Variants in FAM204A observed in about 807,000 individuals in gnomAD.
The protein encoded by FAM204A is family with sequence similarity 204 member A.
Under a neutral mutation model 35.4 loss-of-function variants are expected in FAM204A, and 16 were observed. The observed-to-expected ratio is 0.45, with a 90% CI of 0.31 to 0.69. The LOEUF is 0.69. FAM204A is among the 30% of genes least tolerant of loss of function. The probability of loss-of-function intolerance (pLI) is 0.07; values close to 1 mark genes in which losing one functional copy is unlikely to be tolerated. For synonymous variants in FAM204A, 76 were observed against 86.9 expected, an observed-to-expected ratio of 0.88 and a Z score of 0.70; for missense variants, 240 against 265.7, an observed-to-expected ratio of 0.90 and a Z score of 0.67.
At chr10:118,332,318 A>C (rs1281399826) in intron 6 of FAM204A, among the ~76,000 whole-genome samples, 1 of 151,980 alleles carries the variant, frequency 6.6e-6, no homozygotes, top group Non-Finnish European at 1.5e-5. Context: ...GCTGAGCTTC[A>C]GTTTCTTTAT....
Position 118,303,995 on chromosome 10 carries a change from G to T in FAM204A, c.*6862C>A, listed in dbSNP as rs1008137180. On this transcript the variant is annotated 3_prime_UTR_variant, in exon 9 of 9. Transcript: ENST00000369183. ...TACAAATCACCTCCACAAGAGATCT[G>T]AGGCACTGTTTCTAGGAAATCCAAC... 6.6e-6 allele frequency: 1 copy of T among 152,076 alleles called. No homozygotes were observed. Among genetic ancestry groups the T allele is most frequent in the African/African-American group, 2.4e-5 (1 of 41,392 alleles). The allele number at this position is 152,076 out of a possible 1,614,324, so 9.4% of individuals were successfully genotyped here. A position where few individuals can be genotyped will look rare whatever the true frequency, so the allele number is the denominator to read the frequency against.
intron 7 of FAM204A, among the ~76,000 whole-genome samples, chr10:118,321,224 C>T (rs1846111245): frequency 6.6e-6 from 1 of 151,990 alleles, no homozygotes; most frequent in Non-Finnish European, 1.5e-5. Context: ...AGGGCTTCTG[C>T]CCCCAAACTC....
intron 6 of FAM204A, among the ~76,000 whole-genome samples, chr10:118,332,398 T>C (rs763155469): frequency 4.0e-5 from 6 of 151,506 alleles, no homozygotes; most frequent in Non-Finnish European, 5.9e-5. Context: ...CAAGAGGCAA[T>C]GGTTTACAAC....
rs1050096567 is a variant in FAM204A, at chr10:118,310,862, T to C, written c.697A>G (p.Met233Val). ...TCTTGAAGCACTCTGGCAAGTTACA[T>C]GTATCCCATGTTGCTTTTGGTTTCC... The part of the protein sequence containing the change: ...RWETKSNMGY[M>V] The change falls in exon 9 of 9, where the codon ATG (methionine) becomes GTG (valine). Residue 233 changes from methionine to valine, a missense_variant. By Grantham distance (21) the Met-to-Val change is conservative. Transcript: ENST00000369183. 1 of 1,602,624 alleles carries C rather than the reference T, an allele frequency of 6.2e-7. No homozygotes were observed. Among genetic ancestry groups the C allele is most frequent in the Non-Finnish European group, 8.5e-7 (1 of 1,177,116 alleles).
At position 118,299,285 on chromosome 10, in the gene FAM204A, C is replaced by T. The variant is rs1330081016; in HGVS notation, c.*11572G>A. The T allele has an allele frequency of 6.6e-6, 1 of 151,762 alleles. No individual in the cohort carries two copies. Among genetic ancestry groups the T allele is most frequent in the East Asian group, 1.9e-4 (1 of 5,184 alleles). 9.4% of individuals were successfully genotyped at this position (151,762 alleles called of 1,614,324 possible). On this transcript the variant is annotated 3_prime_UTR_variant, in exon 9 of 9. Transcript: ENST00000369183. ...CCATTTCCTGCTTTGAGCTGCCCTT[C>T]CTGTCAATCAATTACCAACCCTGCT...
intron 2 of FAM204A, among the ~76,000 whole-genome samples, chr10:118,340,543 G>A (rs1846460961): frequency 1.3e-5 from 2 of 152,122 alleles, no homozygotes; most frequent in Non-Finnish European, 2.9e-5. Context: ...ATTCTCTCTA[G>A]CACTGCAATC....
At position 118,341,493 on chromosome 10, in the gene FAM204A, T is replaced by C. The variant is rs527974119; in HGVS notation, c.-9+234A>G. On this transcript the variant is annotated intron_variant, in intron 2 of 8. Transcript: ENST00000369183. ...TTTTATGAAATGAATGTGTTCCTTTTCTCAAAAAAGGTACAGAAAGGACAA... is the reference window on the plus strand; with the variant it reads ...TTTTATGAAATGAATGTGTTCCTTTCCTCAAAAAAGGTACAGAAAGGACAA... 6.6e-4 allele frequency among the ~76,000 whole-genome samples: 101 copies of C among 152,280 alleles called. 1 individual carries two copies. In the South Asian group the frequency reaches 0.018, roughly 27 times the overall value.
At chr10:118,312,879 G>A (rs1318352896) in intron 7 of FAM204A, among the ~76,000 whole-genome samples, 2 of 152,140 alleles carry the variant, frequency 1.3e-5, no homozygotes, top group Admixed American at 6.5e-5. Flanking sequence ...TGAGTGAAAC[G>A]GGTTGTTTTC....
chr10:118,303,468 T>C lies in FAM204A; in HGVS notation c.*7389A>G, dbSNP rs1003736724. 2.0e-5 allele frequency: 3 copies of C among 152,178 alleles called. No homozygotes were observed. Among genetic ancestry groups the C allele is most frequent in the Non-Finnish European group, 2.9e-5 (2 of 68,096 alleles). 9.4% of individuals were successfully genotyped at this position (152,178 alleles called of 1,614,324 possible). ...TCCATCCATCCCTCCTTTCATCCCA[T>C]GTAAAATGCTGGCCTGCAGTGACTG... On this transcript the variant is annotated 3_prime_UTR_variant, in exon 9 of 9. Transcript: ENST00000369183.
At chr10:118,319,569 G>A (rs561780701) in intron 7 of FAM204A, among the ~76,000 whole-genome samples, 9 of 151,956 alleles carry the variant, frequency 5.9e-5, no homozygotes, top group South Asian at 2.1e-4. Flanking sequence ...TTGATACACC[G>A]TGGTTATATT....
chr10:118,337,626 G>C lies in FAM204A; in HGVS notation c.-8-1203C>G, dbSNP rs1043334827. ...TATTCTGTTGGCTTTTTATGAGGAA[G>C]GACTCTGGCATCTAACTGCTCCAAC... is the stretch of plus-strand genomic sequence containing the variant. On this transcript the variant is annotated intron_variant, in intron 2 of 8. Transcript: ENST00000369183. Among the ~76,000 whole-genome samples, 5 of 152,254 alleles carry C rather than the reference G, an allele frequency of 3.3e-5. No homozygotes were observed. The South Asian group carries it at 8.3e-4, about 25-fold the overall frequency.
chr10:118,335,268 CT>C (rs1846362613), intron 5 of FAM204A, 55 bp from the exon 6 acceptor site: 1 of 1,565,490 alleles, frequency 6.4e-7, no homozygotes, highest in Non-Finnish European at 8.7e-7. Context: ...TTTACTTTTA[CT>C]GTTTTTAATC....
At position 118,341,884 on chromosome 10, in the gene FAM204A, C is replaced by T. The variant is rs1846489950; in HGVS notation, c.-166G>A. 6.6e-6 allele frequency: 1 copy of T among 152,266 alleles called. No individual in the cohort carries two copies. Among genetic ancestry groups the T allele is most frequent in the Non-Finnish European group, 1.5e-5 (1 of 68,082 alleles). 9.4% of individuals were successfully genotyped at this position (152,266 alleles called of 1,614,324 possible). A position where few individuals can be genotyped will look rare whatever the true frequency, so the allele number is the denominator to read the frequency against. ...GGCACAGAACTAAGCGCTGCACATT[C>T]CGGCGAAGGATGTCTAGCCTGCTGG... On this transcript the variant is annotated 5_prime_UTR_variant, in exon 2 of 9. Coordinates refer to ENST00000369183, the MANE Select transcript of FAM204A (RefSeq NM_022063.3).
chr10:118,316,124 T>C (rs555312560), intron 7 of FAM204A, among the ~76,000 whole-genome samples: 1 of 152,238 alleles, frequency 6.6e-6, no homozygotes, highest in South Asian at 2.1e-4. Context: ...AAAGTTGAAA[T>C]AACATACAAA....
At position 118,298,242 on chromosome 10, in the gene FAM204A, A is replaced by G. The variant is rs1022226686; in HGVS notation, c.*12615T>C. 5 of 152,216 alleles carry G rather than the reference A, an allele frequency of 3.3e-5. No homozygotes were observed. Among genetic ancestry groups the G allele is most frequent in the African/African-American group, 4.8e-5 (2 of 41,450 alleles). 9.4% of individuals were successfully genotyped at this position (152,216 alleles called of 1,614,324 possible). A position where few individuals can be genotyped will look rare whatever the true frequency, so the allele number is the denominator to read the frequency against. On this transcript the variant is annotated 3_prime_UTR_variant, in exon 9 of 9. Transcript: ENST00000369183. ...TTCCTAGACAGGCCCCCTGAGCCAG[A>G]CAGGAAATCCACTGGTATTTAAAAA...
intron 7 of FAM204A, among the ~76,000 whole-genome samples, chr10:118,324,840 T>C (rs1250819076): frequency 2.6e-5 from 4 of 152,174 alleles, no homozygotes; most frequent in African/African-American, 9.7e-5. Flanking sequence ...AATTTTATGT[T>C]ATGTACATTT....
At position 118,298,433 on chromosome 10, in the gene FAM204A, C is replaced by T. The variant is rs1589713491; in HGVS notation, c.*12424G>A. ...GAATAAAGACGCTTATTCTCTCCTA[C>T]CAGTTACTCTTCATTTTTATGTGTC... On this transcript the variant is annotated 3_prime_UTR_variant, in exon 9 of 9. Coordinates refer to ENST00000369183, the MANE Select transcript of FAM204A (RefSeq NM_022063.3). 1 of 152,304 alleles carries T rather than the reference C, an allele frequency of 6.6e-6. No individual in the cohort carries two copies. The highest frequency in any genetic ancestry group is 1.5e-5 in the Non-Finnish European group (1 of 68,036). 9.4% of individuals were successfully genotyped at this position (152,304 alleles called of 1,614,324 possible). A position where few individuals can be genotyped will look rare whatever the true frequency, so the allele number is the denominator to read the frequency against.
chr10:118,336,555 TA>T, intron 2 of FAM204A, 132 bp from the exon 3 acceptor site: 1 of 696,588 alleles, frequency 1.4e-6, no homozygotes, highest in Admixed American at 3.6e-5. Flanking sequence ...TTTTTTTTTT[TA>T]ATCTAAAATG....
At chr10:118,311,591 G>C (rs567166093) in intron 7 of FAM204A, 1 of 288,440 alleles carries the variant, frequency 3.5e-6, no homozygotes, top group Non-Finnish European at 6.3e-6. Flanking sequence ...TAGTAATGAG[G>C]ATCTTCAAGC....
Sources: gnomAD v4.1 joint callset for allele counts (sites outside exome capture counted in the v4.1 genomes callset) on GRCh38, gnomAD v4.1.1 for gene constraint, MANE v1.5 for transcripts, NCBI Gene and HGNC (gene_info 2026-07-23, HGNC 2026-07-21) for gene names.